The following PPP4R4 variants were observed in gnomAD, a reference collection of about 807,000 sequenced individuals.
PPP4R4 encodes the protein protein phosphatase 4 regulatory subunit 4.
PPP4R4 carries 70 observed loss-of-function variants against 121.8 expected under a neutral mutation model. That is an observed-to-expected ratio of 0.57 (90% CI 0.47 to 0.70). PPP4R4 has a LOEUF of 0.70. Among genes scored for constraint, PPP4R4 ranks in the 30% least tolerant of loss-of-function variants. The pLI is 0.00. For missense variants in PPP4R4, 875 were observed against 1,033.6 expected, an observed-to-expected ratio of 0.85 and a Z score of 2.10; for synonymous variants, 348 against 355.7, an observed-to-expected ratio of 0.98 and a Z score of 0.24.
chr14:94,256,312 T>A, intron 16 of PPP4R4, 148 bp from the exon 17 acceptor site: 2 of 581,966 alleles, frequency 3.4e-6, no homozygotes, highest in Non-Finnish European at 5.6e-6. Context: ...TCCAGAATGA[T>A]GAATGTTTGA....
At chr14:94,181,765 A>T (rs530455234) in intron 2 of PPP4R4, among the ~76,000 whole-genome samples, 1 of 152,236 alleles carries the variant, frequency 6.6e-6, no homozygotes, top group African/African-American at 2.4e-5. Flanking sequence ...TTGACAACTT[A>T]TGTTTATTGA....
chr14:94,192,730 A>C (rs1001618180), intron 2 of PPP4R4, among the ~76,000 whole-genome samples: 4 of 152,184 alleles, frequency 2.6e-5, no homozygotes, highest in Admixed American at 6.5e-5. Flanking sequence ...TGATTATGTC[A>C]CGTCATCATT....
chr14:94,223,727 G>A (rs372488544), intron 3 of PPP4R4, among the ~76,000 whole-genome samples: 15 of 151,648 alleles, frequency 9.9e-5, no homozygotes, highest in South Asian at 4.2e-4. Flanking sequence ...TTGCCAAGAG[G>A]GTTGATTAGA....
At chr14:94,240,315 C>A (rs1892560888) in intron 8 of PPP4R4, among the ~76,000 whole-genome samples, 1 of 152,010 alleles carries the variant, frequency 6.6e-6, no homozygotes, top group Non-Finnish European at 1.5e-5. Context: ...GAAAAGTTTC[C>A]TTTGCTTACT....
At chr14:94,205,054 G>A (rs1890387997) in intron 2 of PPP4R4, among the ~76,000 whole-genome samples, 1 of 152,034 alleles carries the variant, frequency 6.6e-6, no homozygotes, top group South Asian at 2.1e-4. Context: ...ATACTGCTTT[G>A]CAGTTTTTCT....
intron 2 of PPP4R4, among the ~76,000 whole-genome samples, chr14:94,181,206 G>A (rs1380118635): frequency 2.0e-5 from 3 of 151,910 alleles, no homozygotes; most frequent in Non-Finnish European, 2.9e-5. Flanking sequence ...TATTGTTTTA[G>A]TGAGGCATGG....
chr14:94,252,916 GCTAA>G (rs1167858432), intron 16 of PPP4R4, among the ~76,000 whole-genome samples: 2 of 152,172 alleles, frequency 1.3e-5, no homozygotes, highest in Non-Finnish European at 2.9e-5. Flanking sequence ...GAGATAATAA[GCTAA>G]CTGAGATTAA....
intron 3 of PPP4R4, chr14:94,227,248 T>A: frequency 6.5e-7 from 1 of 1,529,560 alleles, no homozygotes; most frequent in Non-Finnish European, 9.0e-7. Flanking sequence ...GGCATGCACT[T>A]AAGCAATAGA....
rs1249059552 is a variant in PPP4R4, at chr14:94,185,551, G to T, written c.191+9424G>T. Among the ~76,000 whole-genome samples the T allele has an allele frequency of 2.6e-5, 4 of 152,152 alleles. No individual in the cohort carries two copies. In the South Asian group the frequency reaches 8.3e-4, roughly 32 times the overall value. On this transcript the variant is annotated intron_variant, in intron 2 of 24. Coordinates refer to ENST00000304338, the MANE Select transcript of PPP4R4 (RefSeq NM_058237.2). ...AAATGAAAATAATAATATCTTCATT[G>T]CAGGATTGTTGAGAAGATGAGAGGA...
intron 3 of PPP4R4, among the ~76,000 whole-genome samples, chr14:94,216,119 T>C (rs190839130): frequency 2.0e-5 from 3 of 152,300 alleles, no homozygotes; most frequent in Non-Finnish European, 2.9e-5. Context: ...GTTAAGCTTG[T>C]AAGTGAGTAA....
intron 3 of PPP4R4, among the ~76,000 whole-genome samples, chr14:94,213,884 A>G (rs1890875276): frequency 6.6e-6 from 1 of 152,200 alleles, no homozygotes; most frequent in South Asian, 2.1e-4. Context: ...GTTTGTGGTA[A>G]TTTGTTACAG....
intron 2 of PPP4R4, among the ~76,000 whole-genome samples, chr14:94,195,657 T>A (rs1889830577): frequency 6.6e-6 from 1 of 151,998 alleles, no homozygotes; most frequent in East Asian, 1.9e-4. Flanking sequence ...ATTACAGTAG[T>A]ATTTCCTAAA....
chr14:94,276,476 T>G (rs1894645669), intron 24 of PPP4R4, among the ~76,000 whole-genome samples: 1 of 152,194 alleles, frequency 6.6e-6, no homozygotes, highest in Non-Finnish European at 1.5e-5. Context: ...CTGGGGAAGC[T>G]TCAGGAGGCT....
At chr14:94,229,942 A>G (rs1462899269) in intron 3 of PPP4R4, among the ~76,000 whole-genome samples, 1 of 152,212 alleles carries the variant, frequency 6.6e-6, no homozygotes, top group Non-Finnish European at 1.5e-5. Context: ...TGTTGAAAAC[A>G]TACTATAATA....
intron 1 of PPP4R4, 89 bp downstream of exon 1, chr14:94,174,671 C>G: frequency 3.3e-6 from 5 of 1,512,246 alleles, no homozygotes; most frequent in Non-Finnish European, 4.4e-6. Flanking sequence ...CGCCACCACC[C>G]TCCCCTCCTC....
intron 23 of PPP4R4, among the ~76,000 whole-genome samples, chr14:94,273,100 A>ACATTCT (rs1172149622): frequency 1.3e-5 from 2 of 152,174 alleles, no homozygotes; most frequent in Non-Finnish European, 2.9e-5. Context: ...ACAAAACCAG[A>ACATTCT]CATTCTTACC....
rs1226270603 is a variant in PPP4R4, at chr14:94,241,968, T to C, written c.1146+11T>C. On this transcript the variant is annotated intron_variant, in intron 10 of 24. Coordinates refer to ENST00000304338, the MANE Select transcript of PPP4R4 (RefSeq NM_058237.2). Reference sequence around the variant, plus strand: ...GCTTATAACTTTCCGGTAATAAATATGTATTTATATTTACTGAGGATTTTT... The same window carrying C: ...GCTTATAACTTTCCGGTAATAAATACGTATTTATATTTACTGAGGATTTTT... 3 of 1,560,920 alleles carry C rather than the reference T, an allele frequency of 1.9e-6. No homozygotes were observed. The highest frequency in any genetic ancestry group is 2.6e-6 in the Non-Finnish European group (3 of 1,149,828).
intron 2 of PPP4R4, among the ~76,000 whole-genome samples, chr14:94,201,912 T>A (rs139242303): frequency 2.2e-4 from 33 of 148,886 alleles, no homozygotes; most frequent in African/African-American, 8.2e-4. Flanking sequence ...AGTCAATGAG[T>A]AGATAAAGAA....
intron 8 of PPP4R4, among the ~76,000 whole-genome samples, chr14:94,238,924 T>C (rs1263117858): frequency 2.0e-5 from 3 of 152,196 alleles, no homozygotes; most frequent in African/African-American, 7.2e-5. Flanking sequence ...TTTCCTCTAA[T>C]AATGGGGCAT....
Sources: gnomAD v4.1 joint callset for allele counts (sites outside exome capture counted in the v4.1 genomes callset) on GRCh38, gnomAD v4.1.1 for gene constraint, MANE v1.5 for transcripts, NCBI Gene and HGNC (gene_info 2026-07-23, HGNC 2026-07-21) for gene names.